EHD4: variants seen among roughly 807,000 people sequenced by gnomAD.
The protein encoded by EHD4 is EH domain containing 4.
Under a neutral mutation model 51.0 loss-of-function variants are expected in EHD4, and 37 were observed. That is an observed-to-expected ratio of 0.73 (90% CI 0.56 to 0.95). The LOEUF (loss-of-function observed/expected upper bound fraction) is 0.95, where lower values mean the gene tolerates loss of function less well. Ranked by LOEUF, EHD4 falls within the 40% of genes least tolerant of loss-of-function variation. The pLI is 0.00. For synonymous variants in EHD4, 297 were observed against 317.3 expected (o/e 0.94, Z 0.68); for missense variants, 632 against 733.1 (o/e 0.86, Z 1.59).
Position 41,953,889 on chromosome 15 carries a change from G to A in EHD4, c.288C>T (p.Thr96=). 5 of 1,613,954 alleles carry A rather than the reference G, an allele frequency of 3.1e-6. No homozygotes were observed. Among genetic ancestry groups the A allele is most frequent in the Non-Finnish European group, 4.2e-6 (5 of 1,179,984 alleles). Reference sequence around the variant, plus strand: ...ACATCACGGCGATGAAGGAGTCTGTGGTGGGCTCCGGACCAATCCTCATGC... The same window carrying A: ...ACATCACGGCGATGAAGGAGTCTGTAGTGGGCTCCGGACCAATCCTCATGC... ...FPGMRIGPEP[T]TDSFIAVMYG... is the part of the protein sequence containing the mutation. The change falls in exon 2 of 6, where the codon ACC becomes ACT. Residue 96 remains threonine (T), a synonymous_variant. Coordinates refer to ENST00000220325, the MANE Select transcript of EHD4 (RefSeq NM_139265.4).
In EHD4 at chr15:41,899,507, A is replaced by G. The variant is rs1595527394; in HGVS notation, c.*1138T>C. ...GTATAAAGGCTTTTATCCTGTAAGG[A>G]AAAAAAAAAAACACAAAACCCTAGA... On this transcript the variant is annotated 3_prime_UTR_variant, in exon 6 of 6. Coordinates refer to ENST00000220325, the MANE Select transcript of EHD4 (RefSeq NM_139265.4). The G allele has an allele frequency of 7.4e-6, 1 of 135,182 alleles. No homozygotes were observed. Among genetic ancestry groups the G allele is most frequent in the South Asian group, 2.2e-4 (1 of 4,602 alleles). The allele number at this position is 135,182 out of a possible 1,614,324, so 8.4% of individuals were successfully genotyped here. A position where few individuals can be genotyped will look rare whatever the true frequency, so the allele number is the denominator to read the frequency against.
intron 4 of EHD4, among the ~76,000 whole-genome samples, chr15:41,917,739 G>C (rs1157537928): frequency 6.6e-6 from 1 of 152,202 alleles, no homozygotes; most frequent in African/African-American, 2.4e-5. Context: ...TTTCAGGAGA[G>C]CTGCACGTAA....
Position 41,953,938 on chromosome 15 carries a change from T to C in EHD4, c.239A>G (p.Tyr80Cys), listed in dbSNP as rs745951032. ...GCCTGGGAAATCCTGCTCCAGTAGG[T>C]ATCTGGGAGAGGGAAGAAGAAGAGA... ...YSTGKTTFIR[Y>C]LLEQDFPGMR... Residue 80 changes from tyrosine to cysteine, a missense_variant and splice_region_variant, in exon 2 of 6, where the codon TAC (tyrosine) becomes TGC (cysteine). Coordinates refer to ENST00000220325, the MANE Select transcript of EHD4 (RefSeq NM_139265.4). The C allele has an allele frequency of 7.4e-6, 12 of 1,611,320 alleles. No homozygotes were observed. The highest frequency in any genetic ancestry group is 1.3e-5 in the African/African-American group (1 of 74,396).
chr15:41,935,291 C>T (rs1336826576), intron 3 of EHD4, among the ~76,000 whole-genome samples: 1 of 152,140 alleles, frequency 6.6e-6, no homozygotes, highest in Non-Finnish European at 1.5e-5. Flanking sequence ...CCTCTATCTC[C>T]CCTAGTATAT....
rs1200652476 is a variant in EHD4, at chr15:41,897,063, A to G, written c.*3582T>C. On this transcript the variant is annotated 3_prime_UTR_variant, in exon 6 of 6. Transcript: ENST00000220325. ...TCAGCAGACTATGTCTTTTTGTTTG[A>G]AACTTCTAAATAAGATTACAAAAAG... 6.6e-6 allele frequency: 1 copy of G among 152,178 alleles called. No homozygotes were observed. The highest frequency in any genetic ancestry group is 1.5e-5 in the Non-Finnish European group (1 of 68,026). 9.4% of individuals were successfully genotyped at this position (152,178 alleles called of 1,614,324 possible).
chr15:41,934,863 G>A (rs908857457), intron 3 of EHD4, among the ~76,000 whole-genome samples: 2 of 152,218 alleles, frequency 1.3e-5, no homozygotes, highest in African/African-American at 2.4e-5. Context: ...GCCCAGGGCT[G>A]TTCTTGCCCA....
chr15:41,902,866 G>C (rs1413685027), intron 5 of EHD4, among the ~76,000 whole-genome samples: 1 of 148,978 alleles, frequency 6.7e-6, no homozygotes, highest in African/African-American at 2.5e-5. Flanking sequence ...GGAGAGGAAG[G>C]GAATAATCAC....
chr15:41,930,138 C>T (rs189171832), intron 3 of EHD4, among the ~76,000 whole-genome samples: 1 of 152,292 alleles, frequency 6.6e-6, no homozygotes, highest in East Asian at 1.9e-4. Context: ...AAGAAACTAT[C>T]TGAGGAAGGG....
At position 41,948,432 on chromosome 15, in the gene EHD4, A is replaced by G. The variant is rs140361051; in HGVS notation, c.414-5268T>C. ...CTCGGCCTCCCAAAGTGCTGGGATT[A>G]TAGGTGTGAGCCACCGTGGCTGGCC... On this transcript the variant is annotated intron_variant, in intron 2 of 5. Coordinates refer to ENST00000220325, the MANE Select transcript of EHD4 (RefSeq NM_139265.4). 4.8e-3 allele frequency among the ~76,000 whole-genome samples: 731 copies of G among 152,188 alleles called. 4 individuals are homozygous for G. Among genetic ancestry groups the G allele is most frequent in the African/African-American group, 0.016 (672 of 41,534 alleles).
chr15:41,905,862 G>C (rs148526066), intron 5 of EHD4, among the ~76,000 whole-genome samples: 1 of 152,112 alleles, frequency 6.6e-6, no homozygotes, highest in Admixed American at 6.5e-5. Flanking sequence ...AATGGATATC[G>C]GGTCCCACTA....
intron 3 of EHD4, among the ~76,000 whole-genome samples, chr15:41,923,949 C>T (rs2140990640): frequency 6.6e-6 from 1 of 152,316 alleles, no homozygotes; most frequent in Middle Eastern, 3.4e-3. Context: ...AGCCCAAACC[C>T]TAGTCATTCT....
chr15:41,916,219 T>C (rs1255315555), intron 4 of EHD4, among the ~76,000 whole-genome samples: 2 of 152,328 alleles, frequency 1.3e-5, no homozygotes, highest in East Asian at 3.9e-4. Flanking sequence ...ATGGAATAAA[T>C]AGATTAACAG....
intron 1 of EHD4, among the ~76,000 whole-genome samples, chr15:41,969,146 A>G (rs993802086): frequency 2.0e-5 from 3 of 152,180 alleles, no homozygotes; most frequent in African/African-American, 7.2e-5. Flanking sequence ...ACCCTTTTAA[A>G]GCCTATATAG....
chr15:41,964,724 G>GATAGATAC (rs2067950211), intron 1 of EHD4, among the ~76,000 whole-genome samples: 1 of 149,024 alleles, frequency 6.7e-6, no homozygotes, highest in Non-Finnish European at 1.5e-5. Flanking sequence ...AAAAAAGAAA[G>GATAGATAC]ATAGATACAT....
chr15:41,904,599 C>T (rs760338430), intron 5 of EHD4, among the ~76,000 whole-genome samples: 10 of 152,258 alleles, frequency 6.6e-5, no homozygotes, highest in Non-Finnish European at 1.5e-4. Flanking sequence ...GTTCCCAGCC[C>T]CGTCTCTGGT....
chr15:41,900,753 C>T lies in EHD4; in HGVS notation c.1518G>A (p.Leu506=). ...GCTTGATCTTGATGAGGTGCTTGGCCAGCGCGAACTCCTCCTCATCAAGCA... is the reference window on the plus strand; with the variant it reads ...GCTTGATCTTGATGAGGTGCTTGGCTAGCGCGAACTCCTCCTCATCAAGCA... ...DGMLDEEEFA[L]AKHLIKIKLD... Residue 506 remains leucine, a synonymous_variant, in exon 6 of 6, where the codon CTG becomes CTA. Coordinates refer to ENST00000220325, the MANE Select transcript of EHD4 (RefSeq NM_139265.4). This position sits in a 1 kb window ranked among gnomAD's most constrained non-coding sequence, Gnocchi z 4.8. The T allele has an allele frequency of 6.2e-7, 1 of 1,613,782 alleles. No homozygotes were observed. The highest frequency in any genetic ancestry group is 8.5e-7 in the Non-Finnish European group (1 of 1,180,028).
At chr15:41,933,439 C>A (rs1208588044) in intron 3 of EHD4, among the ~76,000 whole-genome samples, 2 of 152,196 alleles carry the variant, frequency 1.3e-5, no homozygotes, top group Non-Finnish European at 2.9e-5. Context: ...AGAGAAAGTA[C>A]CTTCCCCTGT....
chr15:41,946,281 A>G (rs1043983810), intron 2 of EHD4, among the ~76,000 whole-genome samples: 1 of 152,180 alleles, frequency 6.6e-6, no homozygotes, highest in Non-Finnish European at 1.5e-5. Flanking sequence ...AAGTAAGAGA[A>G]GAAGACGGAG....
intron 5 of EHD4, among the ~76,000 whole-genome samples, chr15:41,902,148 C>T (rs943704913): frequency 4.2e-4 from 64 of 152,238 alleles, no homozygotes; most frequent in African/African-American, 1.5e-3. Flanking sequence ...ACTGTGACTG[C>T]CCAACCAGGC....
Sources: gnomAD v4.1 joint callset for allele counts (sites outside exome capture counted in the v4.1 genomes callset) on GRCh38, gnomAD v4.1.1 for gene constraint, Gnocchi (gnomAD v3.1) non-coding constraint, MANE v1.5 for transcripts, NCBI Gene and HGNC (gene_info 2026-07-23, HGNC 2026-07-21) for gene names.